Variants in DLGAP1 observed in about 807,000 individuals in gnomAD.
DLGAP1 encodes disks large-associated protein 1.
Under a neutral mutation model 90.8 loss-of-function variants are expected in DLGAP1, and 11 were observed. That is an observed-to-expected ratio of 0.12 (90% CI 0.08 to 0.20). The LOEUF (loss-of-function observed/expected upper bound fraction) is 0.20. DLGAP1 is among the 10% of genes least tolerant of loss of function. The probability of loss-of-function intolerance (pLI) is 1.00; values close to 1 mark genes in which losing one functional copy is unlikely to be tolerated. For synonymous variants in DLGAP1, 558 were observed against 540.7 expected (o/e 1.03, Z -0.44); for missense variants, 1,050 against 1,333.8 (o/e 0.79, Z 3.31).
intron 1 of DLGAP1, among the ~76,000 whole-genome samples, chr18:4,445,260 T>G (rs2083632246): frequency 6.6e-6 from 1 of 151,776 alleles, no homozygotes; most frequent in Non-Finnish European, 1.5e-5. Flanking sequence ...AAATCTCTAT[T>G]CACCCTATTC....
chr18:4,329,317 T>C (rs2080896194), intron 1 of DLGAP1, among the ~76,000 whole-genome samples: 1 of 151,958 alleles, frequency 6.6e-6, no homozygotes, highest in South Asian at 2.1e-4. Flanking sequence ...CAATTAACCA[T>C]ATTCCTGAAT....
rs55887550 is a variant in DLGAP1, at chr18:4,057,004, TACACACACACACACACACACAC to T, written c.-158-51825_-158-51804del. On this transcript the variant is annotated intron_variant, in intron 2 of 12. Transcript: ENST00000315677. ...GCATTTATTAGCAACTGACCATACA[TACACACACACACACACACACAC>T]ACACACACACACACACACACACACA... Among the ~76,000 whole-genome samples, 113 of 115,100 alleles carry T rather than the reference TACACACACACACACACACACAC, an allele frequency of 9.8e-4. No homozygotes were observed. The South Asian group carries it at 0.016, about 16-fold the overall frequency. The allele number at this position is 115,100 out of a possible 152,430, so 75.5% of individuals were successfully genotyped here.
intron 9 of DLGAP1, among the ~76,000 whole-genome samples, chr18:3,544,543 T>C (rs78491541): frequency 2.6e-4 from 39 of 152,260 alleles, no homozygotes; most frequent in Non-Finnish European, 4.6e-4. Flanking sequence ...CTCCAAAAAT[T>C]TGGGGATTTT....
At chr18:4,122,457 G>A (rs1471248346) in intron 2 of DLGAP1, among the ~76,000 whole-genome samples, 1 of 152,168 alleles carries the variant, frequency 6.6e-6, no homozygotes, top group East Asian at 1.9e-4. Context: ...GGGTGATGCG[G>A]GAGAAATACA....
chr18:3,740,975 ATCACCACCACCACCACCATCACC>A (rs1568047155), intron 6 of DLGAP1, among the ~76,000 whole-genome samples: 31 of 82,480 alleles, frequency 3.8e-4, no homozygotes, highest in East Asian at 1.2e-3. Context: ...CCACCATCAC[ATCACCACCACCACCACCATCACC>A]TCACCACCAC....
chr18:4,341,593 ATTTGGGGTTTCTT>A (rs774350618), intron 1 of DLGAP1, among the ~76,000 whole-genome samples: 53 of 152,266 alleles, frequency 3.5e-4, no homozygotes, highest in African/African-American at 1.3e-3. Context: ...ATACTCAGAC[ATTTGGGGTTTCTT>A]TTATGTCTCC....
At chr18:4,182,140 A>C (rs2077220251) in intron 1 of DLGAP1, among the ~76,000 whole-genome samples, 1 of 152,084 alleles carries the variant, frequency 6.6e-6, no homozygotes, top group African/African-American at 2.4e-5. Context: ...AAATATTACC[A>C]ACCTTTTTTC....
chr18:4,232,932 G>A (rs143789102), intron 1 of DLGAP1, among the ~76,000 whole-genome samples: 1 of 152,334 alleles, frequency 6.6e-6, no homozygotes, highest in African/African-American at 2.4e-5. Flanking sequence ...AACCACACAA[G>A]TGTGGGAACA....
chr18:4,440,345 T>C (rs1335163686), intron 1 of DLGAP1, among the ~76,000 whole-genome samples: 1 of 151,890 alleles, frequency 6.6e-6, no homozygotes, highest in African/African-American at 2.4e-5. Flanking sequence ...TTGACTCACT[T>C]TCAATACATG....
At chr18:4,429,929 GA>G (rs1367182044) in intron 1 of DLGAP1, among the ~76,000 whole-genome samples, 1 of 151,466 alleles carries the variant, frequency 6.6e-6, no homozygotes, top group African/African-American at 2.4e-5. Context: ...AATATTAAAT[GA>G]AAAAAAGCAA....
intron 4 of DLGAP1, among the ~76,000 whole-genome samples, chr18:3,844,709 A>G (rs2068909930): frequency 6.6e-6 from 1 of 152,196 alleles, no homozygotes; most frequent in Non-Finnish European, 1.5e-5. Flanking sequence ...AAACTCACCT[A>G]AACTGAAGCT....
intron 7 of DLGAP1, chr18:3,598,104 A>C (rs561516596): frequency 1.3e-5 from 2 of 152,350 alleles, no homozygotes; most frequent in East Asian, 3.9e-4. Context: ...TAATCCCAGC[A>C]CTTTGGGAGG....
intron 7 of DLGAP1, among the ~76,000 whole-genome samples, chr18:3,592,978 T>C (rs2145582877): frequency 6.7e-6 from 1 of 150,212 alleles, no homozygotes; most frequent in African/African-American, 2.5e-5. Flanking sequence ...GATCCCACTA[T>C]CCCCATTTAA....
At chr18:3,802,254 A>G (rs929983574) in intron 5 of DLGAP1, among the ~76,000 whole-genome samples, 1 of 147,832 alleles carries the variant, frequency 6.8e-6, no homozygotes, top group East Asian at 2.1e-4. Flanking sequence ...AAGTGTTGGG[A>G]TTACAGGCAT....
chr18:3,835,578 A>G lies in DLGAP1; in HGVS notation c.958-21305T>C, dbSNP rs141837396. Among the ~76,000 whole-genome samples the G allele has an allele frequency of 2.9e-3, 438 of 150,322 alleles. 1 individual carries two copies. The highest frequency in any genetic ancestry group is 0.017 in the Middle Eastern group (5 of 290). ...GCAGGAGAATCGCTTGAATCTGGGA[A>G]GTGGAAGTTGCGGTGAGCCAAGATC... On this transcript the variant is annotated intron_variant, in intron 4 of 12. Coordinates refer to ENST00000315677, the MANE Select transcript of DLGAP1 (RefSeq NM_004746.4).
intron 1 of DLGAP1, among the ~76,000 whole-genome samples, chr18:4,390,517 C>T (rs955014280): frequency 6.6e-6 from 1 of 152,186 alleles, no homozygotes; most frequent in Non-Finnish European, 1.5e-5. Flanking sequence ...CTGTGCCCAA[C>T]CTATTCATCC....
intron 9 of DLGAP1, among the ~76,000 whole-genome samples, chr18:3,537,719 A>C (rs1444965175): frequency 1.3e-5 from 2 of 152,180 alleles, no homozygotes; most frequent in Non-Finnish European, 2.9e-5. Flanking sequence ...ACCATTTTGC[A>C]TTCCCATCAA....
chr18:4,158,389 C>T (rs1348065407), intron 1 of DLGAP1, among the ~76,000 whole-genome samples: 1 of 152,114 alleles, frequency 6.6e-6, no homozygotes, highest in East Asian at 1.9e-4. Flanking sequence ...TTTAATGGCC[C>T]TTTGTTCCTG....
intron 1 of DLGAP1, among the ~76,000 whole-genome samples, chr18:4,185,607 T>C (rs1341324156): frequency 6.6e-6 from 1 of 152,184 alleles, no homozygotes. Context: ...TATAGCTGCA[T>C]AGTATTCCAT....
Sources: gnomAD v4.1 joint callset for allele counts (sites outside exome capture counted in the v4.1 genomes callset) on GRCh38, gnomAD v4.1.1 for gene constraint, MANE v1.5 for transcripts, NCBI Gene and HGNC (gene_info 2026-07-23, HGNC 2026-07-21) for gene names.